Variants in OSBPL9 observed in about 807,000 individuals in gnomAD.
OSBPL9 encodes the protein oxysterol binding protein like 9.
Under a neutral mutation model 106.6 loss-of-function variants are expected in OSBPL9, and 40 were observed. The observed-to-expected ratio is 0.38, with a 90% CI of 0.29 to 0.49. The LOEUF (loss-of-function observed/expected upper bound fraction) is 0.49. Ranked by LOEUF, OSBPL9 falls within the 20% of genes least tolerant of loss-of-function variation. The pLI is 0.97. For missense variants in OSBPL9, 609 were observed against 887.2 expected (o/e 0.69, Z 3.98); for synonymous variants, 269 against 295.4 (o/e 0.91, Z 0.92).
intron 3 of OSBPL9, 150 bp downstream of exon 3, chr1:51,669,662 G>C (rs1184028749): frequency 2.7e-6 from 2 of 739,616 alleles, no homozygotes; most frequent in Non-Finnish European, 4.8e-6. Context: ...TGGTACTGCA[G>C]GTTAGGCAGG....
At chr1:51,653,686 T>C (rs1646655165) in intron 2 of OSBPL9, among the ~76,000 whole-genome samples, 4 of 152,354 alleles carry the variant, frequency 2.6e-5, no homozygotes, top group Admixed American at 2.6e-4. Context: ...ATGTCTTTTG[T>C]TTACAATTTG....
At chr1:51,580,926 A>ACTTTT (rs1557574533) in intron 1 of OSBPL9, among the ~76,000 whole-genome samples, 8 of 280 alleles carry the variant, frequency 0.029, no homozygotes, top group Non-Finnish European at 0.043. Flanking sequence ...ATATATATAT[A>ACTTTT]TATATATATA....
At chr1:51,649,391 G>A (rs144672304) in intron 1 of OSBPL9, among the ~76,000 whole-genome samples, 3 of 152,268 alleles carry the variant, frequency 2.0e-5, no homozygotes, top group East Asian at 1.9e-4. Context: ...GATTACAAGC[G>A]TGAGCCACTG....
chr1:51,715,641 C>T (rs377188079), intron 4 of OSBPL9, among the ~76,000 whole-genome samples: 13 of 152,172 alleles, frequency 8.5e-5, no homozygotes, highest in African/African-American at 2.7e-4. Context: ...TGAGATTTCC[C>T]GCCCCCCCAT....
intron 3 of OSBPL9, among the ~76,000 whole-genome samples, chr1:51,675,187 G>A (rs1014597095): frequency 6.6e-6 from 1 of 152,154 alleles, no homozygotes; most frequent in Non-Finnish European, 1.5e-5. Context: ...ATTAAGCAGT[G>A]CATAACTGTA....
At chr1:51,541,899 A>AT in the OSBPL9 span, among the ~76,000 whole-genome samples, 1 of 144,160 alleles carries the variant, frequency 6.9e-6, no homozygotes, top group African/African-American at 2.6e-5. Context: ...TTTTTTTTTT[A>AT]TTTTTTGAGA....
chr1:51,630,989 G>A (rs369920305), intron 1 of OSBPL9, among the ~76,000 whole-genome samples: 5 of 152,064 alleles, frequency 3.3e-5, no homozygotes, highest in South Asian at 2.1e-4. Flanking sequence ...TGCCCACTGC[G>A]CAAAGAAAAT....
chr1:51,716,070 T>C (rs906865698), intron 4 of OSBPL9, among the ~76,000 whole-genome samples: 3 of 152,256 alleles, frequency 2.0e-5, no homozygotes, highest in Non-Finnish European at 4.4e-5. Context: ...CAGCTTTTGC[T>C]AAGAAGAGAG....
chr1:51,748,237 C>A, intron 6 of OSBPL9, 132 bp from the exon 7 acceptor site: 6 of 1,036,006 alleles, frequency 5.8e-6, no homozygotes, highest in Middle Eastern at 2.3e-4. Context: ...AAAGTACTCC[C>A]TTCCCAACTT....
chr1:51,777,420 A>G (rs1432898078), intron 15 of OSBPL9, among the ~76,000 whole-genome samples: 1 of 152,194 alleles, frequency 6.6e-6, no homozygotes, highest in East Asian at 1.9e-4. Context: ...GTGTATATGT[A>G]TGAGATAGAA....
chr1:51,668,721 A>G (rs960992792), intron 2 of OSBPL9, among the ~76,000 whole-genome samples: 6 of 152,130 alleles, frequency 3.9e-5, no homozygotes, highest in African/African-American at 1.4e-4. Context: ...TCAGTTCCCC[A>G]TTGTGTGTGC....
chr1:51,750,058 C>A, intron 7 of OSBPL9, 87 bp from the exon 8 acceptor site: 1 of 952,892 alleles, frequency 1.0e-6, no homozygotes, highest in African/African-American at 1.7e-5. Context: ...CTCTATACAT[C>A]TGAACTGATT....
At chr1:51,554,853 C>T in the OSBPL9 span, among the ~76,000 whole-genome samples, 1 of 152,224 alleles carries the variant, frequency 6.6e-6, no homozygotes, top group Non-Finnish European at 1.5e-5. Context: ...AAACTAGGTG[C>T]CTAAATGTCG....
upstream of OSBPL9, among the ~76,000 whole-genome samples, chr1:51,612,761 A>G (rs1456429704): frequency 6.6e-6 from 1 of 152,250 alleles, no homozygotes; most frequent in Non-Finnish European, 1.5e-5. Context: ...TGTCATGTCC[A>G]AGACATTTAT....
intron 4 of OSBPL9, among the ~76,000 whole-genome samples, chr1:51,723,437 T>TAGGC (rs1350476096): frequency 6.6e-6 from 1 of 152,204 alleles, no homozygotes; most frequent in African/African-American, 2.4e-5. Flanking sequence ...CCGTTAGTAA[T>TAGGC]AGGCATTTAA....
At chr1:51,554,923 A>T in the OSBPL9 span, among the ~76,000 whole-genome samples, 664 of 152,342 alleles carry the variant, frequency 4.4e-3, 8 homozygotes, top group African/African-American at 0.015. Flanking sequence ...CTACTGGCCC[A>T]GAGGTTGTAA....
At chr1:51,784,170 G>T in intron 18 of OSBPL9, 94 bp from the exon 19 acceptor site, 2 of 1,446,232 alleles carry the variant, frequency 1.4e-6, no homozygotes, top group South Asian at 1.1e-5. Flanking sequence ...TCCCTAAATT[G>T]AATGGAGTAT....
chr1:51,789,138 A>G lies in OSBPL9; in HGVS notation c.*1349A>G, dbSNP rs1461066364. The G allele has an allele frequency of 9.5e-6, 11 of 1,152,968 alleles. No individual in the cohort carries two copies. The highest frequency in any genetic ancestry group is 7.7e-5 in the South Asian group (6 of 77,774). The allele number at this position is 1,152,968 out of a possible 1,614,324, so 71.4% of individuals were successfully genotyped here. A position where few individuals can be genotyped will look rare whatever the true frequency, so the allele number is the denominator to read the frequency against. ...GCTATGATGCCAGTGCAAAACTTCA[A>G]TGGAAGCCCTAAGGCAGTAGTATAA... On this transcript the variant is annotated 3_prime_UTR_variant, in exon 24 of 24. Transcript: ENST00000428468.
chr1:51,640,213 A>C (rs1255755738), intron 1 of OSBPL9, among the ~76,000 whole-genome samples: 1 of 152,222 alleles, frequency 6.6e-6, no homozygotes, highest in Non-Finnish European at 1.5e-5. Flanking sequence ...ATGTTTGCAC[A>C]AAACTTTTTC....
Sources: allele counts gnomAD v4.1 joint callset (sites outside exome capture counted in the v4.1 genomes callset), GRCh38; gene constraint gnomAD v4.1.1; transcripts MANE v1.5; gene names NCBI Gene and HGNC (gene_info 2026-07-23, HGNC 2026-07-21).